The following LRRC36 variants were observed in gnomAD, a reference collection of about 807,000 sequenced individuals.
The protein encoded by LRRC36 is leucine-rich repeat-containing protein 36.
LRRC36 carries 62 observed loss-of-function variants against 81.1 expected under a neutral mutation model. The observed-to-expected ratio is 0.76, with a 90% CI of 0.62 to 0.94. The LOEUF is 0.94. Ranked by LOEUF, LRRC36 falls within the 40% of genes least tolerant of loss-of-function variation. LRRC36 has a pLI of 0.00. For missense variants in LRRC36, 761 were observed against 881.7 expected, an observed-to-expected ratio of 0.86 and a Z score of 1.73; for synonymous variants, 334 against 348.6, an observed-to-expected ratio of 0.96 and a Z score of 0.47.
At chr16:67,344,774 A>G (rs2038264590) in intron 2 of LRRC36, among the ~76,000 whole-genome samples, 1 of 152,202 alleles carries the variant, frequency 6.6e-6, no homozygotes, top group African/African-American at 2.4e-5. Flanking sequence ...AAACAAATAC[A>G]AAACAGAAAG....
At chr16:67,371,561 G>T in intron 9 of LRRC36, 1 of 362,954 alleles carries the variant, frequency 2.8e-6, no homozygotes, top group South Asian at 2.4e-5. Context: ...GGCCACACAT[G>T]AAATAGTTCT....
chr16:67,384,666 A>G (rs939837068), intron 13 of LRRC36, among the ~76,000 whole-genome samples: 1 of 152,254 alleles, frequency 6.6e-6, no homozygotes, highest in African/African-American at 2.4e-5. Context: ...TTATTGCTTC[A>G]GTAAGTCTGG....
chr16:67,369,013 G>A (rs147621900), intron 8 of LRRC36, among the ~76,000 whole-genome samples: 1 of 152,276 alleles, frequency 6.6e-6, no homozygotes, highest in African/African-American at 2.4e-5. Context: ...GTTGGGTTTT[G>A]GACATCTTAA....
intron 8 of LRRC36, among the ~76,000 whole-genome samples, chr16:67,370,084 A>C (rs2039570511): frequency 6.6e-6 from 1 of 152,206 alleles, no homozygotes. Flanking sequence ...AATCCAGTCC[A>C]CCAGTGGAGA....
chr16:67,363,651 TTC>T lies in LRRC36; in HGVS notation c.641_642del (p.Ser214CysfsTer9), dbSNP rs760562180. 3.7e-6 allele frequency: 6 copies of T among 1,613,266 alleles called. No homozygotes were observed. The African/African-American group carries it at 8.0e-5, about 22-fold the overall frequency. On this transcript the variant is annotated frameshift_variant, in exon 6 of 14. Transcript: ENST00000329956. LOFTEE classifies it high-confidence loss of function. The part of the protein sequence containing the change: ...NREIKDSLST[S>X]ATQGNGTRDQ... ...GGGAAATAAAGGATTCCCTAAGTAC[TTC>T]TGCAACTCAGGGCAATGGTACACGT...
chr16:67,382,836 G>C lies in LRRC36; in HGVS notation c.2045+589G>C, dbSNP rs190812410. Among the ~76,000 whole-genome samples, 11 of 152,196 alleles carry C rather than the reference G, an allele frequency of 7.2e-5. No individual in the cohort carries two copies. The East Asian group carries it at 1.2e-3, about 16-fold the overall frequency. Reference sequence around the variant, plus strand: ...GTCTCTACTAAAAATAAAAAAATTAGCTGGGAGCTTGCTAAACAAGTGGGG... The same window carrying C: ...GTCTCTACTAAAAATAAAAAAATTACCTGGGAGCTTGCTAAACAAGTGGGG... On this transcript the variant is annotated intron_variant, in intron 13 of 13. Coordinates refer to ENST00000329956, the MANE Select transcript of LRRC36 (RefSeq NM_018296.6).
At chr16:67,356,783 G>T (rs1277452724) in intron 5 of LRRC36, among the ~76,000 whole-genome samples, 1 of 152,146 alleles carries the variant, frequency 6.6e-6, no homozygotes, top group Non-Finnish European at 1.5e-5. Context: ...CAACACTTTA[G>T]TTGGGCATTA....
chr16:67,375,504 A>G (rs2039857544), intron 10 of LRRC36, 92 bp downstream of exon 10: 1 of 1,114,540 alleles, frequency 9.0e-7, no homozygotes, highest in South Asian at 1.9e-5. Context: ...CTTCACTTGC[A>G]AGGAAAGTTG....
chr16:67,328,241 G>A (rs35972809), intron 1 of LRRC36, among the ~76,000 whole-genome samples: 2,398 of 152,150 alleles, frequency 0.016, 34 homozygotes, highest in Middle Eastern at 0.078. Context: ...GGCCAGGCGC[G>A]GTGGCTCACG....
At chr16:67,360,058 G>A (rs1421515561) in intron 5 of LRRC36, among the ~76,000 whole-genome samples, 4 of 151,984 alleles carry the variant, frequency 2.6e-5, no homozygotes, top group Admixed American at 2.0e-4. Flanking sequence ...CCGGGAGGCG[G>A]AGGTTGCAGT....
At chr16:67,359,551 T>C (rs2039054092) in intron 5 of LRRC36, among the ~76,000 whole-genome samples, 1 of 152,184 alleles carries the variant, frequency 6.6e-6, no homozygotes, top group East Asian at 1.9e-4. Context: ...TAGATAGTGG[T>C]GATAGTTGTA....
At chr16:67,358,543 A>C (rs985234267) in intron 5 of LRRC36, among the ~76,000 whole-genome samples, 1 of 150,936 alleles carries the variant, frequency 6.6e-6, no homozygotes, top group Non-Finnish European at 1.5e-5. Flanking sequence ...TGTGGAGATA[A>C]GGTCTTGCTA....
intron 5 of LRRC36, among the ~76,000 whole-genome samples, chr16:67,354,339 G>A (rs778193256): frequency 1.4e-4 from 22 of 152,094 alleles, no homozygotes; most frequent in South Asian, 8.3e-4. Context: ...GTGCAGTGGC[G>A]TCATCTCGGC....
At chr16:67,378,367 G>A (rs1428319772) in intron 11 of LRRC36, among the ~76,000 whole-genome samples, 2 of 150,354 alleles carry the variant, frequency 1.3e-5, no homozygotes, top group Admixed American at 6.6e-5. Context: ...AGCCTCCCGA[G>A]TAGCTGGGGT....
intron 11 of LRRC36, among the ~76,000 whole-genome samples, chr16:67,377,236 C>G (rs1317692456): frequency 6.6e-6 from 1 of 152,182 alleles, no homozygotes; most frequent in African/African-American, 2.4e-5. Context: ...GAGCCCTGAA[C>G]CAGGGGCTAA....
intron 9 of LRRC36, 108 bp from the exon 10 acceptor site, chr16:67,375,138 TA>T (rs79190076): frequency 0.091 from 81,481 of 895,552 alleles, 1 homozygote; most frequent in East Asian, 0.12. Context: ...AAAAAAAAAT[TA>T]AAAAAAAAAA....
At chr16:67,382,270 T>C (rs2040140483) in intron 13 of LRRC36, 23 bp downstream of exon 13, 2 of 1,544,386 alleles carry the variant, frequency 1.3e-6, no homozygotes, top group South Asian at 1.1e-5. Context: ...CTATCTAGCT[T>C]GCTTCTAGAA....
intron 5 of LRRC36, among the ~76,000 whole-genome samples, chr16:67,352,596 A>T (rs2038699876): frequency 6.6e-6 from 1 of 151,792 alleles, no homozygotes; most frequent in Admixed American, 6.6e-5. Context: ...CTTTGCCCCT[A>T]TTGATCTCAT....
intron 5 of LRRC36, chr16:67,362,207 G>A (rs2039182921): frequency 4.4e-6 from 2 of 452,984 alleles, no homozygotes; most frequent in African/African-American, 4.0e-5. Context: ...CTGTCGCCCA[G>A]ACTGGAGTGC....
Sources: gnomAD v4.1 joint callset for allele counts (sites outside exome capture counted in the v4.1 genomes callset) on GRCh38, gnomAD v4.1.1 for gene constraint, MANE v1.5 for transcripts, NCBI Gene and HGNC (gene_info 2026-07-23, HGNC 2026-07-21) for gene names.